DPF3: variants seen among roughly 807,000 people sequenced by gnomAD.
DPF3 encodes zinc finger protein DPF3.
Under a neutral mutation model 56.8 loss-of-function variants are expected in DPF3, and 18 were observed. The observed-to-expected ratio is 0.32, with a 90% CI of 0.22 to 0.47. The LOEUF (loss-of-function observed/expected upper bound fraction) is 0.47, where lower values mean the gene tolerates loss of function less well. Ranked by LOEUF, DPF3 falls within the 20% of genes least tolerant of loss-of-function variation. DPF3 has a pLI of 1.00. For synonymous variants in DPF3, 188 were observed against 180.2 expected, an observed-to-expected ratio of 1.04 and a Z score of -0.35; for missense variants, 403 against 488.8, an observed-to-expected ratio of 0.82 and a Z score of 1.65.
chr14:72,718,618 C>G (rs558530923), intron 5 of DPF3, among the ~76,000 whole-genome samples: 15 of 152,172 alleles, frequency 9.9e-5, no homozygotes, highest in Middle Eastern at 3.4e-3. Flanking sequence ...ACAATAGGTT[C>G]AGAGAGACAA....
chr14:72,699,739 A>C (rs930495356), intron 6 of DPF3, among the ~76,000 whole-genome samples: 1 of 152,194 alleles, frequency 6.6e-6, no homozygotes, highest in Admixed American at 6.6e-5. Context: ...TTAAAGAAAG[A>C]TGAGGAGATT....
chr14:72,842,090 G>GA (rs397952214), intron 1 of DPF3, among the ~76,000 whole-genome samples: 42,025 of 117,290 alleles, frequency 0.36, 6,307 homozygotes, highest in East Asian at 0.49. Context: ...CTGTCTCTAA[G>GA]AAAAAAAAAA....
At chr14:72,797,146 G>A (rs1292167485) in intron 1 of DPF3, among the ~76,000 whole-genome samples, 1 of 152,144 alleles carries the variant, frequency 6.6e-6, no homozygotes, top group Non-Finnish European at 1.5e-5. Flanking sequence ...TCTGCTCTCC[G>A]GGAACCCTGC....
At chr14:72,661,984 A>G (rs766899126) in intron 8 of DPF3, 8 of 984,094 alleles carry the variant, frequency 8.1e-6, no homozygotes, top group Non-Finnish European at 9.6e-6. Context: ...ATCAGACATG[A>G]TAACTAGGAG....
intron 9 of DPF3, among the ~76,000 whole-genome samples, chr14:72,624,095 C>T (rs990614407): frequency 2.0e-5 from 3 of 152,078 alleles, no homozygotes; most frequent in Non-Finnish European, 2.9e-5. Flanking sequence ...AAACCTTAGT[C>T]ACCTTCAGAA....
intron 3 of DPF3, among the ~76,000 whole-genome samples, chr14:72,750,791 C>CAA (rs35754238): frequency 0.36 from 23,406 of 65,892 alleles, 6,897 homozygotes; most frequent in Non-Finnish European, 0.42. Flanking sequence ...GAAAGAATCT[C>CAA]AAAAAAAAAA....
intron 1 of DPF3, among the ~76,000 whole-genome samples, chr14:72,881,779 G>C (rs1394746877): frequency 6.6e-6 from 1 of 152,292 alleles, no homozygotes; most frequent in East Asian, 1.9e-4. Context: ...GGGCAGGCAA[G>C]GGGCTTCAGG....
intron 1 of DPF3, among the ~76,000 whole-genome samples, chr14:72,866,715 G>T (rs1023490477): frequency 6.6e-6 from 1 of 150,648 alleles, no homozygotes; most frequent in Non-Finnish European, 1.5e-5. Context: ...AATTAGCTGG[G>T]CATGGTGGCA....
rs1009623432 is a variant in DPF3 at position 72,616,299 on chromosome 14, C to A, written c.*2998G>T. On this transcript the variant is annotated 3_prime_UTR_variant, in exon 11 of 11. Transcript: ENST00000556509. ...AATCATAGCCCTCTCTAAAAGTCAC[C>A]TTTCCATTCTCAACTGCATTAATCT... is the stretch of plus-strand genomic sequence containing the variant. Among the ~76,000 whole-genome samples the A allele has an allele frequency of 6.6e-6, 1 of 152,180 alleles. No homozygotes were observed. The highest frequency in any genetic ancestry group is 1.5e-5 in the Non-Finnish European group (1 of 68,036).
chr14:72,701,522 C>A (rs1888159962), intron 6 of DPF3, among the ~76,000 whole-genome samples: 1 of 152,206 alleles, frequency 6.6e-6, no homozygotes, highest in Non-Finnish European at 1.5e-5. Context: ...CTCCTTCAAA[C>A]CTACCCCACT....
intron 1 of DPF3, among the ~76,000 whole-genome samples, chr14:72,833,635 G>C (rs991839675): frequency 6.6e-6 from 1 of 152,082 alleles, no homozygotes; most frequent in African/African-American, 2.4e-5. Flanking sequence ...TAGCCAAAGA[G>C]GTAAAGACCT....
chr14:72,719,945 C>A (rs544892616), intron 5 of DPF3, among the ~76,000 whole-genome samples: 1 of 152,126 alleles, frequency 6.6e-6, no homozygotes, highest in South Asian at 2.1e-4. Flanking sequence ...TCTGTAATCC[C>A]TACCTTAGCC....
At chr14:72,742,697 A>T (rs1890175778) in intron 3 of DPF3, 1 of 152,352 alleles carries the variant, frequency 6.6e-6, no homozygotes, top group Non-Finnish European at 1.5e-5. Context: ...CAGAGAGCAA[A>T]TGGTGGAGAA....
intron 7 of DPF3, among the ~76,000 whole-genome samples, chr14:72,688,271 GTGGGTGGGTGGGTGGGTGGA>G (rs1887515370): frequency 9.5e-6 from 1 of 104,762 alleles, no homozygotes; most frequent in Non-Finnish European, 1.9e-5. Flanking sequence ...GGGTGGATGA[GTGGGTGGGTGGGTGGGTGGA>G]TGGATGGGTG....
chr14:72,741,925 T>C (rs538581376), intron 3 of DPF3, among the ~76,000 whole-genome samples: 2 of 152,348 alleles, frequency 1.3e-5, no homozygotes, highest in East Asian at 3.9e-4. Context: ...TCCTGCCCAC[T>C]GCCTGCTGCC....
At chr14:72,859,471 C>CA (rs1555513715) in intron 1 of DPF3, among the ~76,000 whole-genome samples, 84 of 23,356 alleles carry the variant, frequency 3.6e-3, no homozygotes, top group African/African-American at 0.015. Context: ...CAGCTTCCTC[C>CA]CCCCCCCCCC....
chr14:72,866,966 C>T (rs1281345118), intron 1 of DPF3, among the ~76,000 whole-genome samples: 1 of 150,162 alleles, frequency 6.7e-6, no homozygotes, highest in African/African-American at 2.4e-5. Context: ...TCTAACCAGA[C>T]CACGAAATCT....
intron 8 of DPF3, among the ~76,000 whole-genome samples, chr14:72,652,414 C>A (rs1030450963): frequency 6.6e-6 from 1 of 152,134 alleles, no homozygotes; most frequent in Non-Finnish European, 1.5e-5. Flanking sequence ...AGGCTTGCAG[C>A]CAGAATGAGC....
At chr14:72,714,828 A>G (rs1429936786) in intron 5 of DPF3, among the ~76,000 whole-genome samples, 1 of 152,148 alleles carries the variant, frequency 6.6e-6, no homozygotes, top group Non-Finnish European at 1.5e-5. Context: ...GGGCAGCTGT[A>G]CTGAAAAGCC....
Sources: gnomAD v4.1 joint callset for allele counts (sites outside exome capture counted in the v4.1 genomes callset) on GRCh38, gnomAD v4.1.1 for gene constraint, MANE v1.5 for transcripts, NCBI Gene and HGNC (gene_info 2026-07-23, HGNC 2026-07-21) for gene names.